Variants in IQCJ observed in about 807,000 individuals in gnomAD.
IQCJ encodes IQ motif containing J, also known as IQ domain-containing protein J.
In IQCJ, 9 loss-of-function variants were observed where a neutral mutation model predicts 11.0. That is an observed-to-expected ratio of 0.82 (90% CI 0.49 to 1.43). The LOEUF (loss-of-function observed/expected upper bound fraction) is 1.43. IQCJ is among the 40% of genes most tolerant of loss of function. The pLI is 0.00. For synonymous variants in IQCJ, 55 were observed against 51.3 expected, an observed-to-expected ratio of 1.07 and a Z score of -0.31; for missense variants, 146 against 133.2, an observed-to-expected ratio of 1.10 and a Z score of -0.47.
At chr3:159,248,861 A>AT (rs111648681) in intron 2 of IQCJ, among the ~76,000 whole-genome samples, 3,465 of 146,004 alleles carry the variant, frequency 0.024, 72 homozygotes, top group African/African-American at 0.058. Flanking sequence ...TTCATTATTG[A>AT]TTTTTTTTTT....
At chr3:159,101,838 A>G (rs1298275250) in intron 1 of IQCJ, among the ~76,000 whole-genome samples, 1 of 152,242 alleles carries the variant, frequency 6.6e-6, no homozygotes, top group African/African-American at 2.4e-5. Context: ...CGGAAAGACT[A>G]GACTCATTAA....
chr3:159,168,364 C>T (rs1298486308), intron 1 of IQCJ, among the ~76,000 whole-genome samples: 1 of 152,162 alleles, frequency 6.6e-6, no homozygotes, highest in Non-Finnish European at 1.5e-5. Context: ...AGCAAAAATA[C>T]TGTGTAAATC....
At chr3:159,196,981 CA>C (rs1237827400) in intron 1 of IQCJ, among the ~76,000 whole-genome samples, 5 of 152,096 alleles carry the variant, frequency 3.3e-5, no homozygotes, top group African/African-American at 1.2e-4. Context: ...ACCCACCCCC[CA>C]AAGATGAAAA....
intron 1 of IQCJ, among the ~76,000 whole-genome samples, chr3:159,085,075 ACC>A (rs1437942319): frequency 5.5e-5 from 7 of 128,206 alleles, no homozygotes; most frequent in African/African-American, 2.1e-4. Context: ...CTCTCCCCCC[ACC>A]CCACAACAGT....
At chr3:159,140,529 C>T (rs1006909451) in intron 1 of IQCJ, among the ~76,000 whole-genome samples, 15 of 152,182 alleles carry the variant, frequency 9.9e-5, no homozygotes, top group Admixed American at 2.6e-4. Flanking sequence ...TGTGCTAGTC[C>T]ACAGTGTGAA....
chr3:159,172,593 A>T (rs1722539469), intron 1 of IQCJ, among the ~76,000 whole-genome samples: 1 of 152,122 alleles, frequency 6.6e-6, no homozygotes, highest in African/African-American at 2.4e-5. Context: ...TTGAAATAAA[A>T]TTCATAAGAA....
At chr3:159,204,260 C>T (rs1295314090) in intron 1 of IQCJ, among the ~76,000 whole-genome samples, 2 of 152,254 alleles carry the variant, frequency 1.3e-5, no homozygotes, top group Non-Finnish European at 2.9e-5. Flanking sequence ...TCCTTCTAGA[C>T]TGCAGCCTCA....
rs184616575 is a variant in IQCJ at position 159,127,978 on chromosome 3, C to T, written c.9+58537C>T. On this transcript the variant is annotated intron_variant, in intron 1 of 3. Coordinates refer to ENST00000397832, the MANE Select transcript of IQCJ (RefSeq NM_001042706.3). ...ATTATCATTGATCTTTCATAAGTTA[C>T]TGCTGCTGTCTATTTAAAAAGAGGC... Among the ~76,000 whole-genome samples, 123 of 152,294 alleles carry T rather than the reference C, an allele frequency of 8.1e-4. 1 individual carries two copies. The highest frequency in any genetic ancestry group is 1.5e-3 in the Non-Finnish European group (105 of 68,022).
chr3:159,245,247 C>G (rs1015857979), intron 1 of IQCJ, among the ~76,000 whole-genome samples: 3 of 151,958 alleles, frequency 2.0e-5, no homozygotes, highest in Non-Finnish European at 4.4e-5. Flanking sequence ...ACCCAGCAAC[C>G]AGCAATGACA....
intron 1 of IQCJ, among the ~76,000 whole-genome samples, chr3:159,177,130 G>T (rs901998320): frequency 2.0e-5 from 3 of 152,124 alleles, no homozygotes; most frequent in African/African-American, 7.2e-5. Flanking sequence ...CCACATCCAA[G>T]TTTCTTTTTC....
intron 1 of IQCJ, among the ~76,000 whole-genome samples, chr3:159,189,680 A>G (rs1484264264): frequency 6.6e-6 from 1 of 152,174 alleles, no homozygotes; most frequent in Non-Finnish European, 1.5e-5. Context: ...GTCTTTGCCA[A>G]GAGTAGGAAT....
At chr3:159,092,291 A>G (rs1026302001) in intron 1 of IQCJ, among the ~76,000 whole-genome samples, 1 of 151,974 alleles carries the variant, frequency 6.6e-6, no homozygotes, top group African/African-American at 2.4e-5. Flanking sequence ...AGTGGCTGGT[A>G]TCTTTGGGAC....
At chr3:159,125,577 A>G (rs1432987103) in intron 1 of IQCJ, among the ~76,000 whole-genome samples, 1 of 152,170 alleles carries the variant, frequency 6.6e-6, no homozygotes, top group African/African-American at 2.4e-5. Context: ...CTACGTTTGT[A>G]TTTTTCCTGG....
At chr3:159,110,414 C>G (rs945339473) in intron 1 of IQCJ, among the ~76,000 whole-genome samples, 1 of 152,188 alleles carries the variant, frequency 6.6e-6, no homozygotes, top group Admixed American at 6.5e-5. Context: ...GTTTCCTCTG[C>G]ATCTTTCCCC....
intron 1 of IQCJ, among the ~76,000 whole-genome samples, chr3:159,233,011 A>T (rs1726354545): frequency 1.3e-5 from 2 of 152,192 alleles, no homozygotes; most frequent in South Asian, 4.1e-4. Flanking sequence ...TGCTCTCCAG[A>T]TAATTGAGGT....
At chr3:159,105,774 A>G (rs758739689) in intron 1 of IQCJ, among the ~76,000 whole-genome samples, 2 of 152,172 alleles carry the variant, frequency 1.3e-5, no homozygotes, top group African/African-American at 4.8e-5. Context: ...TGGTGAACAC[A>G]TGTGGGAGTA....
chr3:159,131,542 C>T (rs1163133078), intron 1 of IQCJ, among the ~76,000 whole-genome samples: 2 of 152,144 alleles, frequency 1.3e-5, no homozygotes, highest in Admixed American at 6.5e-5. Flanking sequence ...AACTCAGTCT[C>T]CAGGATAAAC....
intron 1 of IQCJ, among the ~76,000 whole-genome samples, chr3:159,150,258 T>C (rs1360736415): frequency 6.6e-6 from 1 of 152,032 alleles, no homozygotes; most frequent in Non-Finnish European, 1.5e-5. Context: ...CGATAGAAAG[T>C]ATATTGTATC....
intron 1 of IQCJ, among the ~76,000 whole-genome samples, chr3:159,134,653 A>G (rs1720184099): frequency 1.3e-5 from 2 of 152,142 alleles, no homozygotes; most frequent in African/African-American, 4.8e-5. Context: ...CACTCAGATG[A>G]CTAGCATTTC....
Sources: allele counts gnomAD v4.1 joint callset (sites outside exome capture counted in the v4.1 genomes callset), GRCh38; gene constraint gnomAD v4.1.1; transcripts MANE v1.5; gene names NCBI Gene and HGNC (gene_info 2026-07-23, HGNC 2026-07-21).